Variants in DPP6 observed in about 807,000 individuals in gnomAD.
The protein encoded by DPP6 is A-type potassium channel modulatory protein DPP6.
Under a neutral mutation model 122.6 loss-of-function variants are expected in DPP6, and 69 were observed. The observed-to-expected ratio is 0.56, with a 90% CI of 0.46 to 0.69. The LOEUF (loss-of-function observed/expected upper bound fraction) is 0.69, where lower values mean the gene tolerates loss of function less well. Among genes scored for constraint, DPP6 ranks in the 30% least tolerant of loss-of-function variants. DPP6 has a pLI of 0.00. For missense variants in DPP6, 928 were observed against 1,116.9 expected (o/e 0.83, Z 2.41); for synonymous variants, 418 against 433.1 (o/e 0.97, Z 0.43).
chr7:154,832,706 C>T (rs1393606007), intron 16 of DPP6, among the ~76,000 whole-genome samples: 1 of 152,184 alleles, frequency 6.6e-6, no homozygotes, highest in Admixed American at 6.5e-5. Context: ...TGACACAGTC[C>T]CAGAAATCTC....
At chr7:154,058,012 C>T (rs1435832562) in intron 1 of DPP6, 1 of 148,290 alleles carries the variant, frequency 6.7e-6, no homozygotes, top group Non-Finnish European at 1.5e-5. Flanking sequence ...AACATAAAGG[C>T]CCCCCATTTT....
At position 154,793,888 on chromosome 7, in the gene DPP6, C is replaced by T. The variant is rs1797842583; in HGVS notation, c.1137-191C>T. The T allele has an allele frequency of 1.1e-5, 9 of 796,444 alleles. No individual in the cohort carries two copies. The South Asian group carries it at 1.9e-4, about 16-fold the overall frequency. The allele number at this position is 796,444 out of a possible 1,614,324, so 49.3% of individuals were successfully genotyped here. ...TATTTAGCAAGAGGTAATGACTGGG[C>T]GGCCCCTCAGAGTCCCGCGCCAGTG... On this transcript the variant is annotated intron_variant, in intron 10 of 25. Coordinates refer to ENST00000377770, the MANE Select transcript of DPP6 (RefSeq NM_130797.4).
intron 5 of DPP6, among the ~76,000 whole-genome samples, chr7:154,573,634 A>T (rs1013097441): frequency 2.2e-4 from 33 of 152,358 alleles, no homozygotes; most frequent in African/African-American, 7.7e-4. Flanking sequence ...CTTGCCTGAC[A>T]TGTTACTCTT....
At chr7:153,887,838 C>A in intron 1 of DPP6, 1 of 1,302,782 alleles carries the variant, frequency 7.7e-7, no homozygotes, top group Non-Finnish European at 1.0e-6. Flanking sequence ...CCTGGAAGGA[C>A]AGCGACCCCA....
At chr7:154,213,845 C>A (rs1799861116) in intron 1 of DPP6, among the ~76,000 whole-genome samples, 1 of 152,164 alleles carries the variant, frequency 6.6e-6, no homozygotes, top group Non-Finnish European at 1.5e-5. Context: ...TGAACACAGG[C>A]CAGGGAGGAG....
intron 5 of DPP6, among the ~76,000 whole-genome samples, chr7:154,627,589 T>G (rs1835167206): frequency 2.0e-5 from 3 of 152,184 alleles, no homozygotes; most frequent in African/African-American, 7.2e-5. Context: ...GTTTGCCAAA[T>G]ATGGTCATTA....
chr7:154,587,538 A>T, intron 5 of DPP6: 1 of 1,183,270 alleles, frequency 8.5e-7, no homozygotes, highest in Non-Finnish European at 1.2e-6. Flanking sequence ...AACATTGCCC[A>T]TTGATTTTTG....
At chr7:153,845,001 G>T in the DPP6 span, among the ~76,000 whole-genome samples, 2 of 152,086 alleles carry the variant, frequency 1.3e-5, no homozygotes, top group Non-Finnish European at 2.9e-5. Context: ...TTTCATTTTT[G>T]AATTAAAAAG....
At chr7:153,921,598 A>C (rs904512284) in intron 1 of DPP6, among the ~76,000 whole-genome samples, 3 of 152,232 alleles carry the variant, frequency 2.0e-5, no homozygotes, top group Admixed American at 6.5e-5. Flanking sequence ...GCCACTGTAA[A>C]GAGGGAACAC....
intron 11 of DPP6, 147 bp from the exon 12 acceptor site, chr7:154,795,698 C>G: frequency 7.7e-6 from 9 of 1,165,162 alleles, no homozygotes; most frequent in Non-Finnish European, 1.1e-5. Context: ...CCAGAGCTGC[C>G]GTGGCAGCTG....
intron 3 of DPP6, among the ~76,000 whole-genome samples, chr7:154,478,031 A>G (rs921971119): frequency 3.3e-5 from 5 of 151,980 alleles, no homozygotes; most frequent in Non-Finnish European, 5.9e-5. Flanking sequence ...TCCTCTTCCT[A>G]AACATTCTCT....
chr7:154,006,554 C>A (rs1251083948), intron 1 of DPP6, among the ~76,000 whole-genome samples: 1 of 152,144 alleles, frequency 6.6e-6, no homozygotes, highest in African/African-American at 2.4e-5. Flanking sequence ...TTGTGTAATT[C>A]GATCACTAGG....
At position 154,883,212 on chromosome 7, in the gene DPP6, CAT is replaced by C. The variant is rs747966334; in HGVS notation, c.2133+2271_2133+2272del. 1.4e-3 allele frequency among the ~76,000 whole-genome samples: 218 copies of C among 150,466 alleles called. 2 individuals are homozygous for C. Among genetic ancestry groups the C allele is most frequent in the Non-Finnish European group, 2.7e-3 (180 of 67,654 alleles). ...ACATACACGCTCACACATACACACA[CAT>C]GCTCACCCACACAATGCTCACACAT... On this transcript the variant is annotated intron_variant, in intron 21 of 25. Transcript: ENST00000377770.
chr7:154,243,883 A>C (rs957817672), intron 1 of DPP6, among the ~76,000 whole-genome samples: 2 of 151,444 alleles, frequency 1.3e-5, no homozygotes, highest in Non-Finnish European at 2.9e-5. Flanking sequence ...GCAGAGATTA[A>C]AAAAAAAATC....
intron 1 of DPP6, among the ~76,000 whole-genome samples, chr7:154,311,497 C>CAA (rs1423467022): frequency 2.0e-4 from 23 of 116,666 alleles, no homozygotes; most frequent in African/African-American, 6.6e-4. Context: ...ACCCTGTCTC[C>CAA]ACAAAAAAAA....
the DPP6 span, among the ~76,000 whole-genome samples, chr7:153,808,298 T>C: frequency 6.7e-6 from 1 of 148,590 alleles, no homozygotes; most frequent in Non-Finnish European, 1.5e-5. Flanking sequence ...TGTGTGTGTG[T>C]CTGCGCACAT....
chr7:154,852,975 A>C (rs902235677), intron 16 of DPP6, among the ~76,000 whole-genome samples: 3 of 152,238 alleles, frequency 2.0e-5, no homozygotes, highest in Non-Finnish European at 4.4e-5. Flanking sequence ...CAAGCCTGAC[A>C]TGCCTCCAGC....
At chr7:154,388,766 A>G (rs1230972070) in intron 1 of DPP6, among the ~76,000 whole-genome samples, 2 of 152,292 alleles carry the variant, frequency 1.3e-5, no homozygotes, top group East Asian at 3.9e-4. Context: ...GGCTTTTAAG[A>G]GAACTGTGGG....
rs141628333 is a variant in DPP6, at chr7:154,169,407, C to T, written c.243+116344C>T. Among the ~76,000 whole-genome samples the T allele has an allele frequency of 2.1e-4, 32 of 152,286 alleles. No homozygotes were observed. The East Asian group carries it at 6.0e-3, about 29-fold the overall frequency. On this transcript the variant is annotated intron_variant, in intron 1 of 25. Transcript: ENST00000377770. Reference sequence around the variant, plus strand: ...AGGCAAGCAGTTGGCTCCACTTCCACATGAGATGGCAGCAGGCATCGCTAA... The same window carrying T: ...AGGCAAGCAGTTGGCTCCACTTCCATATGAGATGGCAGCAGGCATCGCTAA...
Sources: gnomAD v4.1 joint callset for allele counts (sites outside exome capture counted in the v4.1 genomes callset) on GRCh38, gnomAD v4.1.1 for gene constraint, MANE v1.5 for transcripts, NCBI Gene and HGNC (gene_info 2026-07-23, HGNC 2026-07-21) for gene names.